The following ZNF516 variants were observed in gnomAD, a reference collection of about 807,000 sequenced individuals.
ZNF516 encodes the protein zinc finger protein 516.
ZNF516 carries 19 observed loss-of-function variants against 79.7 expected under a neutral mutation model. The ratio of observed to expected loss-of-function variants is 0.24; its 90% CI spans 0.17 to 0.35. The LOEUF (loss-of-function observed/expected upper bound fraction) is 0.35. ZNF516 is among the 10% of genes least tolerant of loss of function. ZNF516 has a pLI of 1.00. For synonymous variants in ZNF516, 877 were observed against 739.5 expected (o/e 1.19, Z -3.02); for missense variants, 1,678 against 1,679.5 (o/e 1.00, Z 0.02).
At chr18:76,362,759 G>A (rs565123132) in intron 6 of ZNF516, among the ~76,000 whole-genome samples, 4 of 152,254 alleles carry the variant, frequency 2.6e-5, no homozygotes, top group African/African-American at 9.6e-5. Context: ...TTTCAAATGT[G>A]CCTTCCTGCC....
chr18:76,491,561 G>A (rs1446619476), intron 1 of ZNF516: 1 of 149,530 alleles, frequency 6.7e-6, no homozygotes, highest in Non-Finnish European at 1.5e-5. Flanking sequence ...GGCGGGGGGC[G>A]GGCGCCGGGG....
intron 2 of ZNF516, among the ~76,000 whole-genome samples, chr18:76,458,772 C>T (rs978484623): frequency 6.1e-5 from 9 of 146,878 alleles, no homozygotes; most frequent in Non-Finnish European, 1.2e-4. Flanking sequence ...GTGTGTGCCT[C>T]GTGTGCGTGC....
At chr18:76,376,505 G>C (rs1192171393) in intron 4 of ZNF516, among the ~76,000 whole-genome samples, 1 of 137,032 alleles carries the variant, frequency 7.3e-6, no homozygotes, top group Non-Finnish European at 1.5e-5. Flanking sequence ...TTTCACATAT[G>C]AAAGATAAAT....
intron 1 of ZNF516, among the ~76,000 whole-genome samples, chr18:76,487,183 A>G (rs1164037811): frequency 6.6e-6 from 1 of 152,212 alleles, no homozygotes; most frequent in Non-Finnish European, 1.5e-5. Context: ...CTGCTTTACA[A>G]TTCGAATGTA....
chr18:76,409,054 AACAT>A (rs1568268306), intron 3 of ZNF516, among the ~76,000 whole-genome samples: 1 of 152,262 alleles, frequency 6.6e-6, no homozygotes, highest in Non-Finnish European at 1.5e-5. Context: ...CTTGCAGAGA[AACAT>A]ACAGCAAATA....
chr18:76,495,793 G>A, upstream of ZNF516: 1 of 1,110,696 alleles, frequency 9.0e-7, no homozygotes, highest in Non-Finnish European at 1.1e-6. Context: ...CCAGGTGCGT[G>A]TGCATTACAC....
chr18:76,492,683 G>T, intron 1 of ZNF516: 1 of 980,954 alleles, frequency 1.0e-6, no homozygotes, highest in Non-Finnish European at 1.2e-6. Flanking sequence ...ACCAAGGCCA[G>T]AGAAACCGCA....
rs772779660 is a variant in ZNF516, at chr18:76,469,033, C to T, written c.-271-5892G>A. Reference sequence around the variant, plus strand: ...TTCTAATGTCTCCAACTTCCCAGCCCGATTTTAAAGGCATTTAATGTTCAT... The same window carrying T: ...TTCTAATGTCTCCAACTTCCCAGCCTGATTTTAAAGGCATTTAATGTTCAT... On this transcript the variant is annotated intron_variant, in intron 1 of 6. Transcript: ENST00000443185. 8.5e-5 allele frequency among the ~76,000 whole-genome samples: 13 copies of T among 152,232 alleles called. No individual in the cohort carries two copies. The East Asian group carries it at 2.5e-3, about 29-fold the overall frequency.
intron 3 of ZNF516, among the ~76,000 whole-genome samples, chr18:76,384,465 C>G (rs1336544681): frequency 3.0e-5 from 4 of 133,108 alleles, no homozygotes; most frequent in Admixed American, 1.5e-4. Flanking sequence ...CACGCCCCCA[C>G]CACGACCCGC....
chr18:76,373,373 T>A (rs1169364877), intron 4 of ZNF516, among the ~76,000 whole-genome samples: 2 of 151,966 alleles, frequency 1.3e-5, no homozygotes, highest in East Asian at 1.9e-4. Context: ...AGAGATTTTT[T>A]AAGCTATTTT....
intron 4 of ZNF516, among the ~76,000 whole-genome samples, chr18:76,373,288 A>G (rs1359298202): frequency 6.6e-6 from 1 of 151,446 alleles, no homozygotes; most frequent in African/African-American, 2.4e-5. Context: ...GGAGAGGAGA[A>G]AAGGGAGGGA....
intron 3 of ZNF516, among the ~76,000 whole-genome samples, chr18:76,430,772 G>A (rs1007748316): frequency 6.6e-6 from 1 of 152,228 alleles, no homozygotes; most frequent in Admixed American, 6.5e-5. Context: ...TTAAGAGAAA[G>A]AACATGAGTA....
Position 76,441,281 on chromosome 18 carries a change from C to G in ZNF516, c.1774G>C (p.Asp592His). ...GSGLADEAAE[D>H]SGEEGAPEPA... The stretch of plus-strand genomic sequence containing the variant: ...TCAGGGGCGCCCTCCTCACCACTGT[C>G]TTCGGCAGCCTCGTCGGCCAGGCCA... Residue 592 changes from aspartate to histidine, a missense_variant, in exon 3 of 7, where the codon GAC becomes CAC. This residue lies in a region of ZNF516 where 1,294 missense variants were observed against 1,248.3 expected (regional missense o/e 1.04). Coordinates refer to ENST00000443185, the MANE Select transcript of ZNF516 (RefSeq NM_014643.4). 6.2e-7 allele frequency: 1 copy of G among 1,610,970 alleles called. No individual in the cohort carries two copies. The highest frequency in any genetic ancestry group is 1.3e-5 in the African/African-American group (1 of 75,012).
intron 1 of ZNF516, chr18:76,490,200 T>C (rs2145831127): frequency 3.0e-6 from 3 of 985,366 alleles, no homozygotes; most frequent in Non-Finnish European, 3.6e-6. Context: ...TCCTGTGAAA[T>C]TAAAGACGTC....
At position 76,441,849 on chromosome 18, in the gene ZNF516, C is replaced by T; in HGVS notation, c.1206G>A (p.Gln402=). The change falls in exon 3 of 7, where the codon CAG becomes CAA. Residue 402 remains glutamine, a synonymous_variant. Transcript: ENST00000443185. ...CCAGCTCAGCCACCCGCCGTCCGGC[C>T]TGCGTGCCAGGGCACGAGTCGCCGG... ...SAAGDSCPGT[Q]AGRRVAELDP... is the part of the protein sequence containing the mutation. The T allele has an allele frequency of 6.3e-7, 1 of 1,577,002 alleles. No homozygotes were observed. The highest frequency in any genetic ancestry group is 1.1e-5 in the South Asian group (1 of 88,108).
chr18:76,372,511 A>G (rs1471874508), intron 4 of ZNF516, among the ~76,000 whole-genome samples: 2 of 152,252 alleles, frequency 1.3e-5, no homozygotes, highest in Non-Finnish European at 2.9e-5. Flanking sequence ...TATGCAGCTG[A>G]GTTTTTATGT....
intron 3 of ZNF516, among the ~76,000 whole-genome samples, chr18:76,403,106 G>A (rs2075253336): frequency 6.6e-6 from 1 of 152,194 alleles, no homozygotes; most frequent in South Asian, 2.1e-4. Context: ...CAATGGCTAT[G>A]ACTATTTCTC....
chr18:76,432,957 C>T (rs1333001612), intron 3 of ZNF516, among the ~76,000 whole-genome samples: 1 of 152,180 alleles, frequency 6.6e-6, no homozygotes, highest in Non-Finnish European at 1.5e-5. Context: ...AAGGCGACCT[C>T]CCCAAATCCT....
intron 1 of ZNF516, chr18:76,492,387 G>A (rs2145844970): frequency 3.1e-6 from 3 of 983,226 alleles, no homozygotes; most frequent in Non-Finnish European, 3.6e-6. Context: ...CCGTGAATAC[G>A]CCCATTGTGC....
Sources: gnomAD v4.1 joint callset for allele counts (sites outside exome capture counted in the v4.1 genomes callset) on GRCh38, gnomAD v4.1.1 for gene constraint, gnomAD v4.1.1 regional missense constraint, MANE v1.5 for transcripts, NCBI Gene and HGNC (gene_info 2026-07-23, HGNC 2026-07-21) for gene names.